Variants in SCARA5 observed in about 807,000 individuals in gnomAD.
The protein encoded by SCARA5 is scavenger receptor class A member 5, also known as scavenger receptor class A, member 5 (putative).
Under a neutral mutation model 46.3 loss-of-function variants are expected in SCARA5, and 45 were observed. The observed-to-expected ratio is 0.97, with a 90% CI of 0.76 to 1.24. The LOEUF is 1.24. SCARA5 is among the 50% of genes most tolerant of loss of function. The probability of loss-of-function intolerance (pLI) is 0.00; values close to 1 mark genes in which losing one functional copy is unlikely to be tolerated. For synonymous variants in SCARA5, 333 were observed against 306.5 expected, an observed-to-expected ratio of 1.09 and a Z score of -0.90; for missense variants, 680 against 689.0, an observed-to-expected ratio of 0.99 and a Z score of 0.15.
chr8:27,922,711 A>AGAG (rs1807618642), intron 3 of SCARA5, among the ~76,000 whole-genome samples: 1 of 152,210 alleles, frequency 6.6e-6, no homozygotes, highest in South Asian at 2.1e-4. Context: ...TCTCAACTTT[A>AGAG]GAGGGTGGGT....
intron 5 of SCARA5, 106 bp downstream of exon 5, chr8:27,909,557 T>G: frequency 1.3e-6 from 1 of 742,302 alleles, no homozygotes; most frequent in Non-Finnish European, 2.2e-6. Flanking sequence ...GCGGAGTTGA[T>G]TGGGCACTCC....
chr8:27,940,473 T>C (rs1377056321), intron 3 of SCARA5, among the ~76,000 whole-genome samples: 1 of 152,226 alleles, frequency 6.6e-6, no homozygotes, highest in Non-Finnish European at 1.5e-5. Flanking sequence ...GAAAATGTGA[T>C]GTGAAATGTC....
At chr8:27,958,619 G>T (rs1808242489) in intron 3 of SCARA5, among the ~76,000 whole-genome samples, 1 of 152,248 alleles carries the variant, frequency 6.6e-6, no homozygotes, top group Non-Finnish European at 1.5e-5. Context: ...ATGATTGATA[G>T]CACAGGCTGA....
chr8:27,918,215 G>C (rs1161982319), intron 4 of SCARA5, among the ~76,000 whole-genome samples: 1 of 152,160 alleles, frequency 6.6e-6, no homozygotes, highest in Admixed American at 6.5e-5. Context: ...CCAGCCATGA[G>C]GCCTTGAGTA....
At chr8:27,891,370 T>A (rs1263273902) in intron 7 of SCARA5, among the ~76,000 whole-genome samples, 2 of 152,102 alleles carry the variant, frequency 1.3e-5, no homozygotes, top group Non-Finnish European at 2.9e-5. Flanking sequence ...CATGCCCGGC[T>A]ACTTTTTGTA....
chr8:27,904,307 T>G, intron 7 of SCARA5: 1 of 179,240 alleles, frequency 5.6e-6, no homozygotes, highest in Non-Finnish European at 1.2e-5. Flanking sequence ...CCTCTGATGA[T>G]TTTAGGAAGC....
intron 8 of SCARA5, among the ~76,000 whole-genome samples, chr8:27,872,974 C>CG (rs1030222612): frequency 6.6e-6 from 1 of 152,158 alleles, no homozygotes; most frequent in Admixed American, 6.5e-5. Context: ...ACTGCGGTGG[C>CG]GGGGGATCAT....
intron 3 of SCARA5, among the ~76,000 whole-genome samples, chr8:27,939,391 A>G (rs1807906916): frequency 6.6e-6 from 1 of 152,184 alleles, no homozygotes; most frequent in African/African-American, 2.4e-5. Flanking sequence ...CTGTCAGTCC[A>G]GCATCATTGT....
chr8:27,907,186 A>T lies in SCARA5; in HGVS notation c.1058T>A (p.Leu353Gln). 1 of 1,613,726 alleles carries T rather than the reference A, an allele frequency of 6.2e-7. No homozygotes were observed. The highest frequency in any genetic ancestry group is 8.5e-7 in the Non-Finnish European group (1 of 1,179,848). Reference sequence around the variant, plus strand: ...CATGCCCATTGGTCCTGTGGCCCCCAGCTTCCCATCATCGCCCTTGGGCCC... The same window carrying T: ...CATGCCCATTGGTCCTGTGGCCCCCTGCTTCCCATCATCGCCCTTGGGCCC... ...LPGPKGDDGK[L>Q]GATGPMGMRG... The change falls in exon 6 of 9, where the codon CTG becomes CAG. Residue 353 changes from leucine (L) to glutamine (Q), a missense_variant. Leu to Gln is a moderately radical substitution (Grantham distance 113, BLOSUM62 -2). Around this residue, in one of 3 missense-constraint regions of SCARA5, gnomAD observed 219 missense variants for 269.5 expected, o/e 0.81. Transcript: ENST00000354914.
At chr8:27,947,489 CA>C (rs76317018) in intron 3 of SCARA5, among the ~76,000 whole-genome samples, 90,019 of 151,990 alleles carry the variant, frequency 0.59, 28,278 homozygotes, top group Middle Eastern at 0.77. Flanking sequence ...TGTCCACTGA[CA>C]GATGGATGGA....
At chr8:27,890,814 C>G (rs1198114538) in intron 7 of SCARA5, among the ~76,000 whole-genome samples, 2 of 152,246 alleles carry the variant, frequency 1.3e-5, no homozygotes, top group Non-Finnish European at 2.9e-5. Flanking sequence ...CCCCGCCTTG[C>G]TAATTGATGT....
At chr8:27,911,648 G>A (rs570803208) in intron 4 of SCARA5, among the ~76,000 whole-genome samples, 15 of 152,136 alleles carry the variant, frequency 9.9e-5, no homozygotes, top group Admixed American at 7.9e-4. Context: ...CCGAGATTGC[G>A]CCATTACACT....
intron 7 of SCARA5, among the ~76,000 whole-genome samples, chr8:27,901,159 C>T (rs1807146538): frequency 6.6e-6 from 1 of 152,182 alleles, no homozygotes; most frequent in Non-Finnish European, 1.5e-5. Flanking sequence ...CCTTCTGTGG[C>T]ATGCCCTCCT....
chr8:27,886,956 G>T (rs1191437866), intron 7 of SCARA5, among the ~76,000 whole-genome samples: 1 of 152,226 alleles, frequency 6.6e-6, no homozygotes, highest in African/African-American at 2.4e-5. Flanking sequence ...CCCTGCAGGG[G>T]GAACGGGGCT....
chr8:27,974,164 T>A (rs1382877224), intron 2 of SCARA5, among the ~76,000 whole-genome samples: 3 of 152,144 alleles, frequency 2.0e-5, no homozygotes, highest in African/African-American at 4.8e-5. Context: ...GCAGGCAGCA[T>A]CTCTCACAGT....
At chr8:27,884,833 T>C (rs189503444) in intron 7 of SCARA5, among the ~76,000 whole-genome samples, 197 of 152,090 alleles carry the variant, frequency 1.3e-3, no homozygotes, top group Middle Eastern at 6.8e-3. Context: ...ATACAGCTAG[T>C]CAACAAAAAC....
At chr8:27,973,584 G>A (rs1808478737) in intron 2 of SCARA5, among the ~76,000 whole-genome samples, 1 of 152,102 alleles carries the variant, frequency 6.6e-6, no homozygotes, top group African/African-American at 2.4e-5. Context: ...GCTAATCACT[G>A]GAACAGAATA....
At chr8:27,930,691 C>T (rs757211861) in intron 3 of SCARA5, among the ~76,000 whole-genome samples, 9 of 152,154 alleles carry the variant, frequency 5.9e-5, no homozygotes, top group African/African-American at 9.7e-5. Context: ...CGTGAGCCAC[C>T]GCGCCCAGCC....
chr8:27,873,217 C>T (rs370211300), intron 8 of SCARA5, among the ~76,000 whole-genome samples: 47 of 152,262 alleles, frequency 3.1e-4, no homozygotes, highest in African/African-American at 1.1e-3. Context: ...GTTCCCACGC[C>T]GCCCCTAATC....
Sources: allele counts gnomAD v4.1 joint callset (sites outside exome capture counted in the v4.1 genomes callset), GRCh38; gene constraint gnomAD v4.1.1; regional missense constraint gnomAD v4.1.1; transcripts MANE v1.5; gene names NCBI Gene and HGNC (gene_info 2026-07-23, HGNC 2026-07-21).